Variants in CMTR1 observed in about 807,000 individuals in gnomAD.
The protein encoded by CMTR1 is cap methyltransferase 1, also known as cap-specific mRNA (nucleoside-2'-O-)-methyltransferase 1.
Under a neutral mutation model 107.0 loss-of-function variants are expected in CMTR1, and 39 were observed. The ratio of observed to expected loss-of-function variants is 0.36; its 90% CI spans 0.28 to 0.48. The LOEUF (loss-of-function observed/expected upper bound fraction) is 0.48. Ranked by LOEUF, CMTR1 falls within the 20% of genes least tolerant of loss-of-function variation. CMTR1 has a pLI of 0.99. For synonymous variants in CMTR1, 366 were observed against 379.5 expected (o/e 0.96, Z 0.41); for missense variants, 672 against 1,064.9 (o/e 0.63, Z 5.14).
intron 10 of CMTR1, among the ~76,000 whole-genome samples, chr6:37,460,530 C>CTT (rs138671800): frequency 7.1e-6 from 1 of 141,070 alleles, no homozygotes; most frequent in African/African-American, 2.6e-5. Flanking sequence ...GTGACCTGGG[C>CTT]TTTTTTTTTT....
In CMTR1 at chr6:37,461,631, C is replaced by G; in HGVS notation, c.1178C>G (p.Ser393Cys). Residue 393 changes from serine (S) to cysteine (C), a missense_variant, in exon 11 of 24, where the codon TCC becomes TGC. Physicochemically the swap from Ser to Cys is moderately radical, Grantham distance 112. Coordinates refer to ENST00000373451, the MANE Select transcript of CMTR1 (RefSeq NM_015050.3). ...LLLCQFLMAL[S>C]IVRTGGHFIC... ...CTGTGTCAGTTCCTCATGGCGCTGT[C>G]CATTGTCCGGACAGGTGACACTTCC... 6.2e-7 allele frequency: 1 copy of G among 1,608,206 alleles called. No homozygotes were observed. Among genetic ancestry groups the G allele is most frequent in the African/African-American group, 1.3e-5 (1 of 74,710 alleles).
chr6:37,472,574 C>A lies in CMTR1; in HGVS notation c.1689+87C>A, dbSNP rs1200286542. 2 of 1,318,418 alleles carry A rather than the reference C, an allele frequency of 1.5e-6. No individual in the cohort carries two copies. The highest frequency in any genetic ancestry group is 2.3e-5 in the East Asian group (1 of 43,378). The allele number at this position is 1,318,418 out of a possible 1,614,324, so 81.7% of individuals were successfully genotyped here. On this transcript the variant is annotated intron_variant, in intron 16 of 23. Transcript: ENST00000373451. The surrounding 1 kb of genome is among the most constrained non-coding windows in gnomAD (Gnocchi z 4.1). ...ATCACTGAGGCCCCAGATGCATGGT[C>A]TCCAGAGGGCTTGTGCAGATGCCCA...
intron 4 of CMTR1, among the ~76,000 whole-genome samples, chr6:37,449,592 A>G (rs1771889149): frequency 6.6e-6 from 1 of 152,202 alleles, no homozygotes; most frequent in Non-Finnish European, 1.5e-5. Flanking sequence ...TACAGGCGTG[A>G]GCCACCACAC....
intron 6 of CMTR1, among the ~76,000 whole-genome samples, 184 bp from the exon 7 acceptor site, chr6:37,452,863 A>G (rs535675849): frequency 6.6e-6 from 1 of 151,814 alleles, no homozygotes; most frequent in Non-Finnish European, 1.5e-5. Flanking sequence ...TTTTTAACCA[A>G]TTTACCGGCA....
At chr6:37,476,032 G>A in intron 19 of CMTR1, 94 bp from the exon 20 acceptor site, 2 of 1,212,094 alleles carry the variant, frequency 1.7e-6, no homozygotes, top group Non-Finnish European at 2.5e-6. Flanking sequence ...GATTCAGAAG[G>A]TTCTCCTACT....
rs753320017 is a variant in CMTR1, at chr6:37,471,956, A to G, written c.1620+52A>G. On this transcript the variant is annotated intron_variant, in intron 15 of 23. Transcript: ENST00000373451. ...CTTCAGGGCAGGGAAGCCATAGAGAAGAATGGGGTTGACTCCCAATCCTGT... is the reference window on the plus strand; with the variant it reads ...CTTCAGGGCAGGGAAGCCATAGAGAGGAATGGGGTTGACTCCCAATCCTGT... 4 of 1,558,902 alleles carry G rather than the reference A, an allele frequency of 2.6e-6. No individual in the cohort carries two copies. The Admixed American group carries it at 6.9e-5, about 27-fold the overall frequency.
Position 37,445,612 on chromosome 6 carries a change from C to T in CMTR1, c.286-679C>T, listed in dbSNP as rs183556729. ...CATGCCATTGTCCTGCCTCAGCCTC[C>T]TGAGTAGCTGGGACTACAGGTGCCT... On this transcript the variant is annotated intron_variant, in intron 3 of 23. Transcript: ENST00000373451. Among the ~76,000 whole-genome samples, 592 of 151,676 alleles carry T rather than the reference C, an allele frequency of 3.9e-3. 5 individuals carry two copies. The highest frequency in any genetic ancestry group is 0.014 in the African/African-American group (575 of 41,256).
At chr6:37,465,681 A>G (rs1183340418) in intron 13 of CMTR1, among the ~76,000 whole-genome samples, 3 of 152,160 alleles carry the variant, frequency 2.0e-5, no homozygotes, top group African/African-American at 7.2e-5. Context: ...TTTTTAGTAG[A>G]GACAGGTTAC....
At chr6:37,467,603 T>C (rs1761534202) in intron 13 of CMTR1, among the ~76,000 whole-genome samples, 1 of 152,194 alleles carries the variant, frequency 6.6e-6, no homozygotes, top group Non-Finnish European at 1.5e-5. Flanking sequence ...GTGTCTTCTG[T>C]TAGTTTTGTC....
chr6:37,445,534 G>C (rs2113868213), intron 3 of CMTR1, among the ~76,000 whole-genome samples: 1 of 143,054 alleles, frequency 7.0e-6, no homozygotes, highest in African/African-American at 2.8e-5. Context: ...TGTCGCCCAG[G>C]CTGGAGTGCA....
At position 37,480,933 on chromosome 6, in the gene CMTR1, C is replaced by A; in HGVS notation, c.*788C>A. 1 of 1,225,794 alleles carries A rather than the reference C, an allele frequency of 8.2e-7. No homozygotes were observed. Among genetic ancestry groups the A allele is most frequent in the Non-Finnish European group, 1.0e-6 (1 of 960,396 alleles). The allele number at this position is 1,225,794 out of a possible 1,614,324, so 75.9% of individuals were successfully genotyped here. A position where few individuals can be genotyped will look rare whatever the true frequency, so the allele number is the denominator to read the frequency against. ...AGATGGCAGGAAGCAGCCTTGAAGA[C>A]CCGTCTTTCCCCCACAGCAGCAGGG... On this transcript the variant is annotated 3_prime_UTR_variant, in exon 24 of 24. Coordinates refer to ENST00000373451, the MANE Select transcript of CMTR1 (RefSeq NM_015050.3).
intron 4 of CMTR1, among the ~76,000 whole-genome samples, chr6:37,449,623 T>C (rs1354774548): frequency 6.6e-6 from 1 of 152,198 alleles, no homozygotes; most frequent in East Asian, 1.9e-4. Flanking sequence ...CAGTACTCTT[T>C]AGAAGCACTG....
intron 2 of CMTR1, among the ~76,000 whole-genome samples, chr6:37,443,610 G>A (rs1243647945): frequency 6.6e-6 from 1 of 152,132 alleles, no homozygotes; most frequent in Non-Finnish European, 1.5e-5. Flanking sequence ...CCACCTCAGC[G>A]TCCTCCTGGA....
chr6:37,458,670 G>T lies in CMTR1; in HGVS notation c.836G>T (p.Gly279Val). ...ELLYFADVCAGPGGFSEYVLW... is the reference protein window; with the variant it reads ...ELLYFADVCAVPGGFSEYVLW... ...CTGTACTTTGCTGATGTCTGCGCAG[G>T]CCCAGGTGGCTTCTCAGAGTATGTG... is the stretch of plus-strand genomic sequence containing the variant. Residue 279 changes from glycine to valine, a missense_variant, in exon 9 of 24, where the codon GGC becomes GTC. Coordinates refer to ENST00000373451, the MANE Select transcript of CMTR1 (RefSeq NM_015050.3). The surrounding 1 kb of genome is among the most constrained non-coding windows in gnomAD (Gnocchi z 4.7). 1.2e-6 allele frequency: 2 copies of T among 1,614,088 alleles called. No individual in the cohort carries two copies. The highest frequency in any genetic ancestry group is 1.7e-6 in the Non-Finnish European group (2 of 1,180,040).
Position 37,446,280 on chromosome 6 carries a change from C to T in CMTR1, c.286-11C>T. The T allele has an allele frequency of 6.2e-7, 1 of 1,613,812 alleles. No homozygotes were observed. The highest frequency in any genetic ancestry group is 8.5e-7 in the Non-Finnish European group (1 of 1,179,844). The stretch of plus-strand genomic sequence containing the variant: ...CCTAATTAATTGTGCTCCACTACTT[C>T]TCTTTTTCAGGCCAAGATGGGCTTC... On this transcript the variant is annotated splice_polypyrimidine_tract_variant and intron_variant, in intron 3 of 23. Coordinates refer to ENST00000373451, the MANE Select transcript of CMTR1 (RefSeq NM_015050.3).
At chr6:37,468,158 GC>G (rs769275572) in intron 13 of CMTR1, among the ~76,000 whole-genome samples, 6 of 144,598 alleles carry the variant, frequency 4.1e-5, no homozygotes, top group African/African-American at 8.2e-5. Context: ...TTTTTTAGAT[GC>G]CTTTTTTTTT....
chr6:37,449,842 A>G (rs1771893651), intron 4 of CMTR1, among the ~76,000 whole-genome samples: 1 of 152,210 alleles, frequency 6.6e-6, no homozygotes, highest in African/African-American at 2.4e-5. Context: ...TGATATACTT[A>G]TCTTGTCATA....
intron 5 of CMTR1, among the ~76,000 whole-genome samples, chr6:37,451,414 A>G (rs1040294411): frequency 2.0e-5 from 3 of 152,058 alleles, no homozygotes; most frequent in East Asian, 3.9e-4. Flanking sequence ...ATGTATTTCT[A>G]CTCATCACAG....
chr6:37,449,271 T>TGTTATGTTA (rs1771878720), intron 4 of CMTR1, among the ~76,000 whole-genome samples: 13 of 145,246 alleles, frequency 9.0e-5, no homozygotes, highest in African/African-American at 2.3e-4. Context: ...ATTTTATGTT[T>TGTTATGTTA]TGTTATGTTA....
Sources: allele counts gnomAD v4.1 joint callset (sites outside exome capture counted in the v4.1 genomes callset), GRCh38; gene constraint gnomAD v4.1.1; non-coding constraint Gnocchi (gnomAD v3.1); transcripts MANE v1.5; gene names NCBI Gene and HGNC (gene_info 2026-07-23, HGNC 2026-07-21).